SPAG16: variants seen among roughly 807,000 people sequenced by gnomAD.
The protein encoded by SPAG16 is sperm associated antigen 16.
Under a neutral mutation model 80.4 loss-of-function variants are expected in SPAG16, and 86 were observed. That is an observed-to-expected ratio of 1.07 (90% CI 0.90 to 1.28). SPAG16 has a LOEUF of 1.28. Among genes scored for constraint, SPAG16 ranks in the 50% most tolerant of loss-of-function variants. The pLI is 0.00. For missense variants in SPAG16, 870 were observed against 765.3 expected (o/e 1.14, Z -1.61); for synonymous variants, 294 against 265.9 (o/e 1.11, Z -1.03).
chr2:214,334,158 C>T (rs896189869), intron 15 of SPAG16, among the ~76,000 whole-genome samples: 3 of 152,194 alleles, frequency 2.0e-5, no homozygotes, highest in African/African-American at 7.2e-5. Flanking sequence ...CTTCGGCATG[C>T]AGTTCCTCTT....
At chr2:213,705,845 A>G (rs1249035015) in intron 10 of SPAG16, among the ~76,000 whole-genome samples, 1 of 152,174 alleles carries the variant, frequency 6.6e-6, no homozygotes, top group Admixed American at 6.5e-5. Context: ...CAAGCTCCCA[A>G]TGAAACCAAG....
At chr2:213,526,559 G>A (rs1465951334) in intron 10 of SPAG16, among the ~76,000 whole-genome samples, 1 of 152,128 alleles carries the variant, frequency 6.6e-6, no homozygotes, top group Non-Finnish European at 1.5e-5. Context: ...TGTCAACTTG[G>A]AGCCTCCTTT....
chr2:214,239,051 G>T, intron 15 of SPAG16: 1 of 151,784 alleles, frequency 6.6e-6, no homozygotes, highest in Non-Finnish European at 1.5e-5. Context: ...TTTTTTTTGA[G>T]ACAAGGATTC....
At chr2:213,359,672 C>T (rs1488845281) in intron 7 of SPAG16, among the ~76,000 whole-genome samples, 1 of 152,190 alleles carries the variant, frequency 6.6e-6, no homozygotes, top group Non-Finnish European at 1.5e-5. Context: ...TTTCCAGGTA[C>T]AGTCTGTTAT....
chr2:214,122,610 G>GTGAT (rs1246150022), intron 14 of SPAG16, among the ~76,000 whole-genome samples: 1 of 151,864 alleles, frequency 6.6e-6, no homozygotes, highest in South Asian at 2.1e-4. Flanking sequence ...AGGTCATACA[G>GTGAT]TGATTGATCC....
chr2:214,098,555 C>T (rs964294578), intron 13 of SPAG16, among the ~76,000 whole-genome samples: 1 of 152,030 alleles, frequency 6.6e-6, no homozygotes, highest in Non-Finnish European at 1.5e-5. Flanking sequence ...CATAATGAAG[C>T]CAACCCTGCC....
chr2:213,422,574 G>C, intron 9 of SPAG16: 2 of 402,766 alleles, frequency 5.0e-6, no homozygotes. Context: ...TTGGGCAAAG[G>C]TACCACCAGC....
intron 10 of SPAG16, among the ~76,000 whole-genome samples, chr2:213,562,042 T>C (rs2059612678): frequency 6.6e-6 from 1 of 152,226 alleles, no homozygotes; most frequent in Non-Finnish European, 1.5e-5. Context: ...AAGGTACATT[T>C]TCTGAATTCT....
chr2:213,583,161 T>C (rs2060351643), intron 10 of SPAG16, among the ~76,000 whole-genome samples: 1 of 152,178 alleles, frequency 6.6e-6, no homozygotes, highest in Non-Finnish European at 1.5e-5. Context: ...ATAAATTAAA[T>C]TGACTGCTCT....
intron 15 of SPAG16, among the ~76,000 whole-genome samples, chr2:214,210,081 C>T (rs931819442): frequency 1.3e-5 from 2 of 151,994 alleles, no homozygotes; most frequent in African/African-American, 4.8e-5. Flanking sequence ...CAACTTGAGT[C>T]AGCTGTGATT....
At chr2:213,361,036 A>T (rs965599649) in intron 7 of SPAG16, among the ~76,000 whole-genome samples, 2 of 152,104 alleles carry the variant, frequency 1.3e-5, no homozygotes, top group African/African-American at 4.8e-5. Flanking sequence ...GGATTGTATA[A>T]TAATTTAAAA....
In SPAG16 at chr2:213,284,517, G is replaced by T. The variant is rs1457411577; in HGVS notation, c.34G>T (p.Val12Leu). 1.9e-6 allele frequency: 3 copies of T among 1,588,002 alleles called. No homozygotes were observed. The highest frequency in any genetic ancestry group is 1.3e-5 in the African/African-American group (1 of 74,640). The change falls in exon 1 of 16, where the codon GTG becomes TTG. Residue 12 changes from valine to leucine, a missense_variant. Transcript: ENST00000331683. ...AAQRGMPSSA[V>L]RVLEEALGMG... ...TCAGCGAGGGATGCCCAGCTCCGCC[G>T]TGAGGGTCCTGGAAGAGGCGTTGGG...
chr2:213,727,318 G>GT (rs1360807600), intron 10 of SPAG16, among the ~76,000 whole-genome samples: 13 of 152,204 alleles, frequency 8.5e-5, no homozygotes, highest in South Asian at 8.3e-4. Context: ...GAGACTGGCA[G>GT]TTTTTTTAAA....
In SPAG16 at chr2:213,930,060, G is replaced by A; in HGVS notation, c.1315G>A (p.Val439Met). Residue 439 changes from valine (V) to methionine (M), a missense_variant, in exon 12 of 16, where the codon GTG (valine) becomes ATG (methionine). Transcript: ENST00000331683. ...GACCTTTGAAGGACACAGCCGCGCA[G>A]TGTGGTCCTGCACATGGCACTCCTG... Reference protein sequence around the residue: ...ILTFEGHSRAVWSCTWHSCGN... With the variant: ...ILTFEGHSRAMWSCTWHSCGN... The A allele has an allele frequency of 6.2e-7, 1 of 1,614,188 alleles. No individual in the cohort carries two copies. The highest frequency in any genetic ancestry group is 8.5e-7 in the Non-Finnish European group (1 of 1,180,010).
chr2:213,797,042 A>T (rs2071085093), intron 10 of SPAG16, among the ~76,000 whole-genome samples: 1 of 92,332 alleles, frequency 1.1e-5, no homozygotes, highest in Non-Finnish European at 2.9e-5. Context: ...TTAACAAAAA[A>T]ATTAAAATTA....
intron 11 of SPAG16, among the ~76,000 whole-genome samples, chr2:213,908,379 C>T (rs1476794638): frequency 6.6e-6 from 1 of 152,168 alleles, no homozygotes; most frequent in Non-Finnish European, 1.5e-5. Context: ...TCTAGAGTCC[C>T]TCTGCAAGAA....
chr2:213,488,569 A>C (rs2074093051), intron 9 of SPAG16, among the ~76,000 whole-genome samples: 1 of 152,164 alleles, frequency 6.6e-6, no homozygotes, highest in African/African-American at 2.4e-5. Context: ...GTGAAAATGC[A>C]GCAATGATAA....
intron 13 of SPAG16, among the ~76,000 whole-genome samples, chr2:214,040,681 A>G (rs1349115966): frequency 6.6e-6 from 1 of 152,022 alleles, no homozygotes; most frequent in East Asian, 1.9e-4. Context: ...CTTATTTTGT[A>G]TGTAGCGTTT....
At chr2:214,195,088 G>A (rs1463834726) in intron 15 of SPAG16, among the ~76,000 whole-genome samples, 1 of 152,018 alleles carries the variant, frequency 6.6e-6, no homozygotes, top group Non-Finnish European at 1.5e-5. Context: ...TACAGGGATG[G>A]CCTCTTGAGA....
Sources: gnomAD v4.1 joint callset for allele counts (sites outside exome capture counted in the v4.1 genomes callset) on GRCh38, gnomAD v4.1.1 for gene constraint, MANE v1.5 for transcripts, NCBI Gene and HGNC (gene_info 2026-07-23, HGNC 2026-07-21) for gene names.